Variants in UNC5CL observed in about 807,000 individuals in gnomAD.
UNC5CL encodes UNC5C-like protein.
A neutral mutation model predicts 54.1 loss-of-function variants in UNC5CL; 42 were observed. The observed-to-expected ratio is 0.78, with a 90% CI of 0.61 to 1.00. The LOEUF (loss-of-function observed/expected upper bound fraction) is 1.00. UNC5CL is among the 50% of genes least tolerant of loss of function. UNC5CL has a pLI of 0.00. For missense variants in UNC5CL, 619 were observed against 675.6 expected (o/e 0.92, Z 0.93); for synonymous variants, 285 against 285.1 (o/e 1.00, Z 0.00).
chr6:41,033,754 G>C (rs78091800), intron 3 of UNC5CL, 127 bp downstream of exon 3: 19,403 of 1,105,994 alleles, frequency 0.018, 260 homozygotes, highest in South Asian at 0.026. Flanking sequence ...GAGACACCAG[G>C]GGATAAAGGA....
intron 1 of UNC5CL, among the ~76,000 whole-genome samples, chr6:41,037,937 A>T (rs1010261548): frequency 6.6e-6 from 1 of 152,234 alleles, no homozygotes; most frequent in African/African-American, 2.4e-5. Flanking sequence ...GGCTTGTCTC[A>T]TCTCATCCTC....
intron 6 of UNC5CL, among the ~76,000 whole-genome samples, chr6:41,031,385 C>A (rs1762451366): frequency 6.6e-6 from 1 of 152,156 alleles, no homozygotes; most frequent in Non-Finnish European, 1.5e-5. Context: ...TAGAAAGAAA[C>A]CATATCAACT....
rs779329026 is a variant in UNC5CL, at chr6:41,030,411, C to T, written c.1311G>A (p.Leu437=). The T allele has an allele frequency of 6.2e-6, 10 of 1,613,990 alleles. No individual in the cohort carries two copies. Among genetic ancestry groups the T allele is most frequent in the South Asian group, 1.1e-5 (1 of 91,088 alleles). The change falls in exon 8 of 9, where the codon CTG becomes CTA. Residue 437 remains leucine (L), a synonymous_variant. Coordinates refer to ENST00000244565, the MANE Select transcript of UNC5CL (RefSeq NM_173561.3). ...GNDWRRLASH[L]GLCGMKIRFL... is the part of the protein sequence containing the mutation. ...ACCGGATCTTCATGCCGCAAAGCCC[C>T]AGGTGGGAGGCCAGTCTGCGCCAGT...
Position 41,028,530 on chromosome 6 carries a change from C to A in UNC5CL, c.1400G>T (p.Ser467Ile). The A allele has an allele frequency of 6.2e-7, 1 of 1,613,908 alleles. No homozygotes were observed. The highest frequency in any genetic ancestry group is 1.1e-5 in the South Asian group (1 of 91,086). ...CATGAGGTAGTGCAGCTCCTGCAGG[C>A]TGCCGTTCTGCTCCTCAAACAACTC... ...ILELFEEQNG[S>I]LQELHYLMTV... The change falls in exon 9 of 9, where the codon AGC becomes ATC. Residue 467 changes from serine (S) to isoleucine (I), a missense_variant. Ser to Ile is a moderately radical substitution (Grantham distance 142). Coordinates refer to ENST00000244565, the MANE Select transcript of UNC5CL (RefSeq NM_173561.3). The surrounding 1 kb of genome is among the most constrained non-coding windows in gnomAD (Gnocchi z 4.3).
In UNC5CL at chr6:41,029,406, T is replaced by C. The variant is rs927923181; in HGVS notation, c.1335-811A>G. On this transcript the variant is annotated intron_variant, in intron 8 of 8. Coordinates refer to ENST00000244565, the MANE Select transcript of UNC5CL (RefSeq NM_173561.3). This position sits in a 1 kb window ranked among gnomAD's most constrained non-coding sequence, Gnocchi z 4.1. ...ATTATTATTCTTGCTTCAGCTGTTTTCTGTCTCTCTTCAATGTGTTATACA... is the reference window on the plus strand; with the variant it reads ...ATTATTATTCTTGCTTCAGCTGTTTCCTGTCTCTCTTCAATGTGTTATACA... Among the ~76,000 whole-genome samples, 1 of 152,260 alleles carries C rather than the reference T, an allele frequency of 6.6e-6. No individual in the cohort carries two copies. The highest frequency in any genetic ancestry group is 1.5e-5 in the Non-Finnish European group (1 of 68,050).
chr6:41,031,317 C>T (rs1290979316), intron 6 of UNC5CL, among the ~76,000 whole-genome samples: 1 of 152,226 alleles, frequency 6.6e-6, no homozygotes, highest in Non-Finnish European at 1.5e-5. Flanking sequence ...AAAACATCAT[C>T]TCTCAAATCC....
At chr6:41,031,637 TC>T (rs1561829460) in intron 6 of UNC5CL, 43 bp downstream of exon 6, 1 of 1,599,750 alleles carries the variant, frequency 6.3e-7, no homozygotes, top group Non-Finnish European at 8.6e-7. Context: ...GCCTAGGATT[TC>T]CCCCAGGCCC....
rs1265138226 is a variant in UNC5CL at position 41,027,709 on chromosome 6, C to A, written c.*664G>T. On this transcript the variant is annotated 3_prime_UTR_variant, in exon 9 of 9. Transcript: ENST00000244565. Reference sequence around the variant, plus strand: ...GGGGATGGGCTCCCATGCCCACTTTCGGCTCCTACCTTAAGTCCAGCCACC... The same window carrying A: ...GGGGATGGGCTCCCATGCCCACTTTAGGCTCCTACCTTAAGTCCAGCCACC... 2 of 152,212 alleles carry A rather than the reference C, an allele frequency of 1.3e-5. No homozygotes were observed. Among genetic ancestry groups the A allele is most frequent in the African/African-American group, 4.8e-5 (2 of 41,452 alleles). The allele number at this position is 152,212 out of a possible 1,614,324, so 9.4% of individuals were successfully genotyped here. A position where few individuals can be genotyped will look rare whatever the true frequency, so the allele number is the denominator to read the frequency against.
At chr6:41,030,268 T>C (rs993042448) in intron 8 of UNC5CL, 120 bp downstream of exon 8, 9 of 868,564 alleles carry the variant, frequency 1.0e-5, no homozygotes, top group South Asian at 1.5e-5. Flanking sequence ...GGGTGGACAG[T>C]AGCCATTCTC....
At chr6:41,037,272 G>A (rs1468820843) in intron 1 of UNC5CL, among the ~76,000 whole-genome samples, 5 of 152,246 alleles carry the variant, frequency 3.3e-5, no homozygotes, top group Admixed American at 2.6e-4. Context: ...ACTGTGGGAA[G>A]TTCAATCCTG....
rs1458508631 is a variant in UNC5CL at position 41,029,889 on chromosome 6, C to T, written c.1334+499G>A. On this transcript the variant is annotated intron_variant, in intron 8 of 8. Coordinates refer to ENST00000244565, the MANE Select transcript of UNC5CL (RefSeq NM_173561.3). The surrounding 1 kb of genome is among the most constrained non-coding windows in gnomAD (Gnocchi z 4.1). Reference sequence around the variant, plus strand: ...TCCACCCTGTTTTCAGGGTCCAGCTCTAGCCCCATCACCAGGATAAAGTCT... The same window carrying T: ...TCCACCCTGTTTTCAGGGTCCAGCTTTAGCCCCATCACCAGGATAAAGTCT... Among the ~76,000 whole-genome samples the T allele has an allele frequency of 6.6e-6, 1 of 152,180 alleles. No homozygotes were observed. The highest frequency in any genetic ancestry group is 1.5e-5 in the Non-Finnish European group (1 of 68,022).
At chr6:41,038,127 T>C (rs1053022279) in intron 1 of UNC5CL, among the ~76,000 whole-genome samples, 1 of 152,178 alleles carries the variant, frequency 6.6e-6, no homozygotes, top group African/African-American at 2.4e-5. Flanking sequence ...CACCCCTTCT[T>C]TTCCCCAAGT....
intron 5 of UNC5CL, 73 bp from the exon 6 acceptor site, chr6:41,031,821 G>A: frequency 6.7e-7 from 1 of 1,498,696 alleles, no homozygotes; most frequent in South Asian, 1.1e-5. Flanking sequence ...GAAGGTAAGG[G>A]ACTCTATAGT....
rs369898872 is a variant in UNC5CL at position 41,035,062 on chromosome 6, C to A, written c.13G>T (p.Glu5Ter). 1.9e-6 allele frequency: 3 copies of A among 1,567,142 alleles called. No individual in the cohort carries two copies. The highest frequency in any genetic ancestry group is 2.3e-4 in the Middle Eastern group (1 of 4,316). ...AACTGGGAGGGTTGGAATGAACTCTCCTGGGGGCACATTCGCCTGGTTACT... is the reference window on the plus strand; with the variant it reads ...AACTGGGAGGGTTGGAATGAACTCTACTGGGGGCACATTCGCCTGGTTACT... The part of the protein sequence containing the change: MCPQ[E>*]SSFQPSQFLL... Residue 5 changes from glutamate (E) to a stop codon, truncating the protein, a stop_gained, in exon 2 of 9, where the codon GAG (glutamate) becomes TAG (stop). Coordinates refer to ENST00000244565, the MANE Select transcript of UNC5CL (RefSeq NM_173561.3). LOFTEE classifies it high-confidence loss of function.
chr6:41,028,116 G>C lies in UNC5CL; in HGVS notation c.*257C>G. ...GGCCGTCCCCTGGTCAGTTTGGCAG[G>C]CTGGCCACGCTGAGGCCATCTCCTG... On this transcript the variant is annotated 3_prime_UTR_variant, in exon 9 of 9. Coordinates refer to ENST00000244565, the MANE Select transcript of UNC5CL (RefSeq NM_173561.3). The surrounding 1 kb of genome is among the most constrained non-coding windows in gnomAD (Gnocchi z 4.3). 1.9e-6 allele frequency: 1 copy of C among 522,116 alleles called. No individual in the cohort carries two copies. The highest frequency in any genetic ancestry group is 2.5e-5 in the South Asian group (1 of 40,460). 32.3% of individuals were successfully genotyped at this position (522,116 alleles called of 1,614,324 possible). A position where few individuals can be genotyped will look rare whatever the true frequency, so the allele number is the denominator to read the frequency against.
chr6:41,031,602 G>A (rs1330560985), intron 6 of UNC5CL, 79 bp downstream of exon 6: 2 of 1,395,212 alleles, frequency 1.4e-6, no homozygotes, highest in East Asian at 2.3e-5. Context: ...CATAGTTACT[G>A]GGCACCAGAC....
chr6:41,030,987 G>A (rs1408526219), intron 6 of UNC5CL, among the ~76,000 whole-genome samples: 1 of 152,156 alleles, frequency 6.6e-6, no homozygotes, highest in Non-Finnish European at 1.5e-5. Context: ...TGGGAACTGG[G>A]ACATGAAGAC....
At position 41,035,134 on chromosome 6, in the gene UNC5CL, G is replaced by A. The variant is rs564087094; in HGVS notation, c.-60C>T. On this transcript the variant is annotated splice_region_variant and 5_prime_UTR_variant, in exon 2 of 9. Coordinates refer to ENST00000244565, the MANE Select transcript of UNC5CL (RefSeq NM_173561.3). ...ACCCCTGTGCCAGCCAAAGCCAAAG[G>A]CCTGGTGGGGAAGAAGGGGTCAGTG... The A allele has an allele frequency of 7.8e-5, 117 of 1,507,676 alleles. No homozygotes were observed. In the African/African-American group the frequency reaches 1.3e-3, roughly 17 times the overall value. 93.4% of individuals were successfully genotyped at this position (1,507,676 alleles called of 1,614,324 possible).
chr6:41,033,887 T>C lies in UNC5CL; in HGVS notation c.680A>G (p.His227Arg). 6.2e-7 allele frequency: 1 copy of C among 1,612,774 alleles called. No homozygotes were observed. Among genetic ancestry groups the C allele is most frequent in the Non-Finnish European group, 8.5e-7 (1 of 1,179,248 alleles). Residue 227 changes from histidine (H) to arginine (R), a missense_variant, in exon 3 of 9, where the codon CAC becomes CGC. His to Arg is a conservative substitution (Grantham distance 29). Transcript: ENST00000244565. ...GCCAATGGCATGTGCCTACCTGAAG[T>C]GGGAGAGGTGGATGCGACACTCATC... ...SRDECRIHLS[H>R]FSLYTCVLEA...
Sources: gnomAD v4.1 joint callset for allele counts (sites outside exome capture counted in the v4.1 genomes callset) on GRCh38, gnomAD v4.1.1 for gene constraint, Gnocchi (gnomAD v3.1) non-coding constraint, MANE v1.5 for transcripts, NCBI Gene and HGNC (gene_info 2026-07-23, HGNC 2026-07-21) for gene names.